FOXP2: variants seen among roughly 807,000 people sequenced by gnomAD.
The protein encoded by FOXP2 is forkhead box protein P2.
Under a neutral mutation model 115.8 loss-of-function variants are expected in FOXP2, and 12 were observed. The ratio of observed to expected loss-of-function variants is 0.10; its 90% CI spans 0.07 to 0.17. FOXP2 has a LOEUF of 0.17. Among genes scored for constraint, FOXP2 ranks in the 10% least tolerant of loss-of-function variants. FOXP2 has a pLI of 1.00. For synonymous variants in FOXP2, 328 were observed against 297.7 expected (o/e 1.10, Z -1.05); for missense variants, 629 against 843.5 (o/e 0.75, Z 3.15).
chr7:114,288,520 T>A (rs964536881), intron 2 of FOXP2, among the ~76,000 whole-genome samples: 3 of 151,792 alleles, frequency 2.0e-5, no homozygotes, highest in Non-Finnish European at 4.4e-5. Context: ...TTTGGGGGGA[T>A]CTGAAATATT....
intron 1 of FOXP2, among the ~76,000 whole-genome samples, chr7:114,256,799 T>G (rs1795625119): frequency 6.6e-6 from 1 of 152,138 alleles, no homozygotes; most frequent in African/African-American, 2.4e-5. Flanking sequence ...TCAGAGAGGG[T>G]ACAAACAAAT....
In FOXP2 at chr7:114,213,758, A is replaced by G. The variant is rs1794416467; in HGVS notation, c.-102+50670A>G. Among the ~76,000 whole-genome samples the G allele has an allele frequency of 2.0e-5, 3 of 152,166 alleles. No individual in the cohort carries two copies. In the South Asian group the frequency reaches 6.2e-4, roughly 31 times the overall value. Reference sequence around the variant, plus strand: ...GAATGCTATGATGAAAACTACATATAATAGTATAAAAATATTTTAAGTTAA... The same window carrying G: ...GAATGCTATGATGAAAACTACATATGATAGTATAAAAATATTTTAAGTTAA... On this transcript the variant is annotated intron_variant, in intron 1 of 17. Transcript: ENST00000634411.
chr7:114,220,816 AT>A (rs903809633), intron 1 of FOXP2, among the ~76,000 whole-genome samples: 1 of 152,134 alleles, frequency 6.6e-6, no homozygotes, highest in Admixed American at 6.6e-5. Context: ...TTACATGCCT[AT>A]TTTTTTCTTG....
intron 4 of FOXP2, chr7:114,629,513 G>T: frequency 8.3e-7 from 1 of 1,207,692 alleles, no homozygotes; most frequent in Non-Finnish European, 1.2e-6. Context: ...GTGTCAGTAG[G>T]ACTTCAGATG....
At chr7:114,597,058 A>T (rs1802759348) in intron 3 of FOXP2, among the ~76,000 whole-genome samples, 1 of 152,102 alleles carries the variant, frequency 6.6e-6, no homozygotes, top group African/African-American at 2.4e-5. Context: ...TGTGTAAGAA[A>T]AAATTGGGGG....
intron 3 of FOXP2, among the ~76,000 whole-genome samples, chr7:114,548,751 AATGTTGGCAGTGCTG>A (rs1293064663): frequency 6.6e-6 from 1 of 152,206 alleles, no homozygotes; most frequent in Non-Finnish European, 1.5e-5. Context: ...GTTACTGCTG[AATGTTGGCAGTGCTG>A]ATGAGGGATT....
At chr7:114,611,843 A>G (rs1169312869) in intron 3 of FOXP2, among the ~76,000 whole-genome samples, 1 of 152,134 alleles carries the variant, frequency 6.6e-6, no homozygotes. Flanking sequence ...AATGTGAACA[A>G]ATAATGCTGC....
At chr7:114,652,011 T>A (rs992290268) in intron 8 of FOXP2, among the ~76,000 whole-genome samples, 192 bp from the exon 9 acceptor site, 1 of 152,040 alleles carries the variant, frequency 6.6e-6, no homozygotes, top group African/African-American at 2.4e-5. Context: ...ATTTGAAGAG[T>A]CTCTTTACAT....
intron 2 of FOXP2, among the ~76,000 whole-genome samples, chr7:114,488,670 C>T (rs1796902920): frequency 6.6e-6 from 1 of 152,030 alleles, no homozygotes; most frequent in Non-Finnish European, 1.5e-5. Flanking sequence ...TTTATCCCAA[C>T]CTATTAATTT....
At chr7:114,516,009 C>A (rs1381408200) in intron 2 of FOXP2, among the ~76,000 whole-genome samples, 1 of 152,200 alleles carries the variant, frequency 6.6e-6, no homozygotes, top group East Asian at 1.9e-4. Context: ...GATTCAATGC[C>A]ATCCCCATCA....
At chr7:114,282,138 C>T (rs1796354367) in intron 1 of FOXP2, among the ~76,000 whole-genome samples, 1 of 152,148 alleles carries the variant, frequency 6.6e-6, no homozygotes, top group East Asian at 1.9e-4. Context: ...ATTTGAGAAA[C>T]TCATGGAATA....
chr7:114,166,675 C>T (rs1293542422), intron 1 of FOXP2, among the ~76,000 whole-genome samples: 3 of 151,820 alleles, frequency 2.0e-5, no homozygotes, highest in South Asian at 2.1e-4. Context: ...ACTGCACTCC[C>T]GCCTGGGTGA....
At chr7:114,343,378 C>G (rs191539120) in intron 2 of FOXP2, among the ~76,000 whole-genome samples, 19 of 151,604 alleles carry the variant, frequency 1.3e-4, no homozygotes, top group African/African-American at 4.3e-4. Context: ...TACATTGCTG[C>G]TCATTTATGT....
intron 2 of FOXP2, among the ~76,000 whole-genome samples, chr7:114,404,075 T>TTCATTCATAAAATG (rs1422576317): frequency 3.9e-5 from 6 of 152,142 alleles, no homozygotes; most frequent in Non-Finnish European, 8.8e-5. Flanking sequence ...GCTTTATGAA[T>TTCATTCATAAAATG]GGCTTACCAT....
At chr7:114,142,530 G>A (rs1194404024) in intron 1 of FOXP2, among the ~76,000 whole-genome samples, 3 of 152,086 alleles carry the variant, frequency 2.0e-5, no homozygotes, top group African/African-American at 7.2e-5. Flanking sequence ...ATTTCCAGAA[G>A]GTCCATTTTA....
At chr7:114,198,427 G>C (rs1054512861) in intron 1 of FOXP2, among the ~76,000 whole-genome samples, 5 of 152,282 alleles carry the variant, frequency 3.3e-5, no homozygotes, top group African/African-American at 4.8e-5. Flanking sequence ...AATGCTATAG[G>C]GGGGTAGGGG....
At chr7:114,175,613 G>A (rs1382333597) in intron 1 of FOXP2, among the ~76,000 whole-genome samples, 4 of 152,010 alleles carry the variant, frequency 2.6e-5, no homozygotes, top group Non-Finnish European at 4.4e-5. Flanking sequence ...TCTACATATG[G>A]TGTATATTTT....
At chr7:114,306,030 A>C (rs1797006889) in intron 2 of FOXP2, among the ~76,000 whole-genome samples, 2 of 151,698 alleles carry the variant, frequency 1.3e-5, no homozygotes, top group Non-Finnish European at 2.9e-5. Flanking sequence ...ATCTTCATGA[A>C]AAATAATCTA....
intron 2 of FOXP2, among the ~76,000 whole-genome samples, chr7:114,379,280 T>C (rs1488103518): frequency 6.6e-6 from 1 of 152,124 alleles, no homozygotes; most frequent in Non-Finnish European, 1.5e-5. Context: ...ATAATTAGCA[T>C]TTTAGTGAGC....
Sources: allele counts gnomAD v4.1 joint callset (sites outside exome capture counted in the v4.1 genomes callset), GRCh38; gene constraint gnomAD v4.1.1; transcripts MANE v1.5; gene names NCBI Gene and HGNC (gene_info 2026-07-23, HGNC 2026-07-21).